The following INSL5 variants were observed in gnomAD, a reference collection of about 807,000 sequenced individuals.
INSL5 encodes the protein insulin-like peptide INSL5.
INSL5 carries 3 observed loss-of-function variants against 4.3 expected under a neutral mutation model. The ratio of observed to expected loss-of-function variants is 0.70; its 90% CI spans 0.32 to 1.82. INSL5 has a LOEUF of 1.82. INSL5 is among the 40% of genes most tolerant of loss of function. The pLI is 0.08. For synonymous variants in INSL5, 68 were observed against 56.6 expected (o/e 1.20, Z -0.90); for missense variants, 168 against 160.9 (o/e 1.04, Z -0.24).
intron 1 of INSL5, among the ~76,000 whole-genome samples, chr1:66,800,113 T>C (rs1377883308): frequency 6.6e-6 from 1 of 152,172 alleles, no homozygotes; most frequent in African/African-American, 2.4e-5. Flanking sequence ...TACTTTAATA[T>C]GGAATTAACA....
At position 66,798,184 on chromosome 1, in the gene INSL5, C is replaced by A. The variant is rs557692288; in HGVS notation, c.237G>T (p.Ala79=). The change falls in exon 2 of 2, where the codon GCG becomes GCT. Residue 79 remains alanine, a synonymous_variant. Coordinates refer to ENST00000304526, the MANE Select transcript of INSL5 (RefSeq NM_005478.6). ...HKREFSEENP[A]QNLPKVDASG... is the part of the protein sequence containing the mutation. ...AGGCATCCACCTTCGGAAGGTTTTG[C>A]GCTGGATTTTCCTCAGAAAACTCAC... is the stretch of plus-strand genomic sequence containing the variant. The A allele has an allele frequency of 2.7e-5, 44 of 1,613,972 alleles. No individual in the cohort carries two copies. The highest frequency in any genetic ancestry group is 1.6e-4 in the Middle Eastern group (1 of 6,080).
At chr1:66,798,403 A>G (rs943311893) in intron 1 of INSL5, among the ~76,000 whole-genome samples, 158 bp from the exon 2 acceptor site, 2 of 152,186 alleles carry the variant, frequency 1.3e-5, no homozygotes, top group African/African-American at 4.8e-5. Context: ...GAGAGATTAG[A>G]CATTTTGGGG....
intron 1 of INSL5, among the ~76,000 whole-genome samples, chr1:66,798,777 C>A (rs887593104): frequency 6.8e-4 from 103 of 152,296 alleles, no homozygotes; most frequent in African/African-American, 2.3e-3. Context: ...TGCCTTAGCA[C>A]ACCAGCAGGC....
intron 1 of INSL5, among the ~76,000 whole-genome samples, chr1:66,799,064 C>T (rs1645358668): frequency 6.6e-6 from 1 of 152,126 alleles, no homozygotes; most frequent in Non-Finnish European, 1.5e-5. Flanking sequence ...ATTAAAAACC[C>T]ATATAATTTT....
At position 66,801,254 on chromosome 1, in the gene INSL5, T is replaced by C. The variant is rs1645374395; in HGVS notation, c.-33A>G. 1 of 1,537,818 alleles carries C rather than the reference T, an allele frequency of 6.5e-7. No homozygotes were observed. Among genetic ancestry groups the C allele is most frequent in the Non-Finnish European group, 8.9e-7 (1 of 1,118,956 alleles). The stretch of plus-strand genomic sequence containing the variant: ...AGGACTGAATGTGAATCTGATATGG[T>C]AAATATAGTCAAATCAAATTCTGGA... On this transcript the variant is annotated 5_prime_UTR_variant, in exon 1 of 2. Coordinates refer to ENST00000304526, the MANE Select transcript of INSL5 (RefSeq NM_005478.6).
At chr1:66,800,973 G>A in intron 1 of INSL5, 74 bp downstream of exon 1, 1 of 1,156,388 alleles carries the variant, frequency 8.6e-7, no homozygotes. Context: ...TAAAATAATG[G>A]TTTAAAACAC....
intron 1 of INSL5, among the ~76,000 whole-genome samples, chr1:66,798,792 T>C (rs1283627013): frequency 2.6e-5 from 4 of 152,300 alleles, no homozygotes; most frequent in African/African-American, 9.6e-5. Flanking sequence ...GCAGGCACCA[T>C]GAAAAACTAG....
intron 1 of INSL5, among the ~76,000 whole-genome samples, chr1:66,799,177 G>A (rs968962491): frequency 6.6e-6 from 1 of 152,048 alleles, no homozygotes. Context: ...AACAGTTTAG[G>A]TCATTTTCTA....
intron 1 of INSL5, among the ~76,000 whole-genome samples, chr1:66,800,790 T>C (rs1398731518): frequency 6.6e-6 from 1 of 152,120 alleles, no homozygotes; most frequent in Non-Finnish European, 1.5e-5. Flanking sequence ...GCTGAGCCCA[T>C]TGAAGTAGTC....
chr1:66,800,126 A>G (rs1047707753), intron 1 of INSL5, among the ~76,000 whole-genome samples: 2 of 152,218 alleles, frequency 1.3e-5, no homozygotes, highest in Admixed American at 6.5e-5. Flanking sequence ...AATTAACAGA[A>G]AGAATTTCAG....
rs764836624 is a variant in INSL5 at position 66,797,972 on chromosome 1, T to C, written c.*41A>G. ...GGCAGTAAAACACTGTAATTAAACA[T>C]GTGATAAAGCTCTGCCACCCATTGG... On this transcript the variant is annotated 3_prime_UTR_variant, in exon 2 of 2. Transcript: ENST00000304526. 2 of 1,314,644 alleles carry C rather than the reference T, an allele frequency of 1.5e-6. No individual in the cohort carries two copies. Among genetic ancestry groups the C allele is most frequent in the Admixed American group, 1.7e-5 (1 of 58,718 alleles). The allele number at this position is 1,314,644 out of a possible 1,614,324, so 81.4% of individuals were successfully genotyped here. A position where few individuals can be genotyped will look rare whatever the true frequency, so the allele number is the denominator to read the frequency against.
intron 1 of INSL5, among the ~76,000 whole-genome samples, chr1:66,799,314 A>G (rs545037224): frequency 1.3e-5 from 2 of 152,244 alleles, no homozygotes; most frequent in Non-Finnish European, 2.9e-5. Context: ...CATAGCAAAT[A>G]CAACCAATTA....
chr1:66,797,790 A>G lies in INSL5; in HGVS notation c.*223T>C. ...TTTTGCGCAGCATTTGAAATTTCAAAGCATTAGTAGAATTTGAAAAGAACA... is the reference window on the plus strand; with the variant it reads ...TTTTGCGCAGCATTTGAAATTTCAAGGCATTAGTAGAATTTGAAAAGAACA... On this transcript the variant is annotated 3_prime_UTR_variant, in exon 2 of 2. Transcript: ENST00000304526. 2.5e-6 allele frequency: 1 copy of G among 402,424 alleles called. No individual in the cohort carries two copies. The highest frequency in any genetic ancestry group is 4.4e-6 in the Non-Finnish European group (1 of 226,566). The allele number at this position is 402,424 out of a possible 1,614,324, so 24.9% of individuals were successfully genotyped here.
chr1:66,797,898 G>T lies in INSL5; in HGVS notation c.*115C>A. Reference sequence around the variant, plus strand: ...CTATACCTTTTAGAAAAGAAGTTTTGCCTACCCAAAAGCCATCATTTTAAT... The same window carrying T: ...CTATACCTTTTAGAAAAGAAGTTTTTCCTACCCAAAAGCCATCATTTTAAT... On this transcript the variant is annotated 3_prime_UTR_variant, in exon 2 of 2. Transcript: ENST00000304526. The T allele has an allele frequency of 1.4e-6, 1 of 719,930 alleles. No individual in the cohort carries two copies. The highest frequency in any genetic ancestry group is 2.3e-6 in the Non-Finnish European group (1 of 431,804). The allele number at this position is 719,930 out of a possible 1,614,324, so 44.6% of individuals were successfully genotyped here. A position where few individuals can be genotyped will look rare whatever the true frequency, so the allele number is the denominator to read the frequency against.
chr1:66,798,786 G>A (rs72671649), intron 1 of INSL5, among the ~76,000 whole-genome samples: 132 of 152,240 alleles, frequency 8.7e-4, no homozygotes, highest in Non-Finnish European at 1.5e-3. Context: ...ACACCAGCAG[G>A]CACCATGAAA....
At chr1:66,800,292 C>T (rs577562) in intron 1 of INSL5, among the ~76,000 whole-genome samples, 128,333 of 152,036 alleles carry the variant, frequency 0.84, 54,351 homozygotes, top group East Asian at 0.99. Flanking sequence ...CCACCACCTT[C>T]CATAATCCCC....
chr1:66,799,616 T>G (rs1645362032), intron 1 of INSL5, among the ~76,000 whole-genome samples: 1 of 152,210 alleles, frequency 6.6e-6, no homozygotes, highest in South Asian at 2.1e-4. Flanking sequence ...CACAAAAACA[T>G]AAGTATGTGA....
chr1:66,800,956 C>T (rs544818308), intron 1 of INSL5, 91 bp downstream of exon 1: 2 of 961,928 alleles, frequency 2.1e-6, no homozygotes, highest in East Asian at 4.9e-5. Context: ...CTTAGAGAAA[C>T]ACTTAATAAA....
intron 1 of INSL5, among the ~76,000 whole-genome samples, chr1:66,800,286 C>G (rs1178547203): frequency 2.0e-5 from 3 of 152,102 alleles, no homozygotes; most frequent in Non-Finnish European, 2.9e-5. Flanking sequence ...GCTTCCCCAC[C>G]ACCTTCCATA....
Sources: allele counts gnomAD v4.1 joint callset (sites outside exome capture counted in the v4.1 genomes callset), GRCh38; gene constraint gnomAD v4.1.1; transcripts MANE v1.5; gene names NCBI Gene and HGNC (gene_info 2026-07-23, HGNC 2026-07-21).